Variants in KBTBD11 observed in about 807,000 individuals in gnomAD.
KBTBD11 encodes kelch repeat and BTB domain-containing protein 11.
For missense variants in KBTBD11, 1,390 were observed against 1,001.8 expected (o/e 1.39, Z -5.23); for synonymous variants, 747 against 499.0 (o/e 1.50, Z -6.63).
At chr8:1,995,004 A>G (rs922393503) in intron 1 of KBTBD11, among the ~76,000 whole-genome samples, 1 of 146,766 alleles carries the variant, frequency 6.8e-6, no homozygotes, top group Non-Finnish European at 1.5e-5. Context: ...GGTTGCAGTG[A>G]GCCGAGATGG....
intron 1 of KBTBD11, among the ~76,000 whole-genome samples, chr8:1,978,102 C>A (rs1285109134): frequency 2.0e-5 from 3 of 152,166 alleles, no homozygotes; most frequent in African/African-American, 7.2e-5. Flanking sequence ...AACCCATCAC[C>A]TAGGTATTAA....
rs886125728 is a variant in KBTBD11 at position 2,004,403 on chromosome 8, C to G, written c.*1339C>G. 1.1e-4 allele frequency: 18 copies of G among 166,868 alleles called. No homozygotes were observed. The highest frequency in any genetic ancestry group is 1.5e-5 in the Non-Finnish European group (1 of 68,118). 10.3% of individuals were successfully genotyped at this position (166,868 alleles called of 1,614,324 possible). A position where few individuals can be genotyped will look rare whatever the true frequency, so the allele number is the denominator to read the frequency against. On this transcript the variant is annotated 3_prime_UTR_variant, in exon 2 of 2. Coordinates refer to ENST00000320248, the MANE Select transcript of KBTBD11 (RefSeq NM_014867.3). ...AGAGGCGAACATTTGAACTCCGAAT[C>G]CAACCCATTTTCTTACTGTAAGAGG...
At chr8:1,986,532 A>T (rs1360858825) in intron 1 of KBTBD11, among the ~76,000 whole-genome samples, 1 of 152,196 alleles carries the variant, frequency 6.6e-6, no homozygotes, top group African/African-American at 2.4e-5. Flanking sequence ...CAGAACTTTA[A>T]AAAGGACAAA....
In KBTBD11 at chr8:2,001,711, G is replaced by A. The variant is rs1817368516; in HGVS notation, c.519G>A (p.Val173=). 2.8e-6 allele frequency: 4 copies of A among 1,425,642 alleles called. No homozygotes were observed. The African/African-American group carries it at 4.5e-5, about 16-fold the overall frequency. The allele number at this position is 1,425,642 out of a possible 1,614,324, so 88.3% of individuals were successfully genotyped here. ...TCCGCGCGCGCGCGTCGCGGGACGT[G>A]CTGCGGGTGCAGGGAGTGAGCCTGA... ...DYFRARASRD[V]LRVQGVSLTA... Residue 173 remains valine, a synonymous_variant, in exon 2 of 2, where the codon GTG becomes GTA. Coordinates refer to ENST00000320248, the MANE Select transcript of KBTBD11 (RefSeq NM_014867.3).
At position 2,002,849 on chromosome 8, in the gene KBTBD11, T is replaced by C; in HGVS notation, c.1657T>C (p.Phe553Leu). ...CGGCGGCCCCACGGGCCTGCAGCCC[T>C]TCCGCTGCGCCGCCCTGGACGGCGC... ...LPGGPTGLQP[F>L]RCAALDGAIY... is the part of the protein sequence containing the mutation. Residue 553 changes from phenylalanine to leucine, a missense_variant, in exon 2 of 2, where the codon TTC becomes CTC. Phe to Leu is a conservative substitution (Grantham distance 22). Coordinates refer to ENST00000320248, the MANE Select transcript of KBTBD11 (RefSeq NM_014867.3). The surrounding 1 kb of genome is among the most constrained non-coding windows in gnomAD (Gnocchi z 4.1). The C allele has an allele frequency of 2.1e-6, 3 of 1,401,020 alleles. No individual in the cohort carries two copies. Among genetic ancestry groups the C allele is most frequent in the Admixed American group, 3.5e-5 (1 of 28,876 alleles). 86.8% of individuals were successfully genotyped at this position (1,401,020 alleles called of 1,614,324 possible).
Position 1,974,197 on chromosome 8 carries a change from G to C in KBTBD11, c.-909+262G>C, listed in dbSNP as rs1412474629. The C allele has an allele frequency of 3.9e-6, 3 of 761,208 alleles. No individual in the cohort carries two copies. The African/African-American group carries it at 5.8e-5, about 15-fold the overall frequency. 47.2% of individuals were successfully genotyped at this position (761,208 alleles called of 1,614,324 possible). On this transcript the variant is annotated intron_variant, in intron 1 of 1. Transcript: ENST00000320248. ...GCCCGCGGCGGGGTGGGCGGCGGTG[G>C]GTGGTCTCCGCTCCGCCTCCGGGAG...
chr8:1,997,909 A>G (rs1167326184), intron 1 of KBTBD11, among the ~76,000 whole-genome samples: 2 of 152,344 alleles, frequency 1.3e-5, no homozygotes, highest in East Asian at 3.9e-4. Flanking sequence ...CTCTGCTGGA[A>G]GGGGCTCCTC....
intron 1 of KBTBD11, among the ~76,000 whole-genome samples, chr8:1,982,447 G>C (rs1477377537): frequency 6.6e-6 from 1 of 152,046 alleles, no homozygotes; most frequent in Admixed American, 6.6e-5. Context: ...CTCCAATCAA[G>C]AGACATAGAG....
chr8:1,983,106 C>T lies in KBTBD11; in HGVS notation c.-909+9171C>T, dbSNP rs73184738. On this transcript the variant is annotated intron_variant, in intron 1 of 1. Transcript: ENST00000320248. ...TGCCACATGTTGGGTGTGTGTGCCC[C>T]GAGGCAGCAGTGACCTGCTAGAGGC... 9.4e-3 allele frequency among the ~76,000 whole-genome samples: 1,429 copies of T among 152,208 alleles called. 25 individuals carry two copies. Among genetic ancestry groups the T allele is most frequent in the East Asian group, 0.045 (233 of 5,176 alleles).
At chr8:1,982,544 G>C (rs1816573124) in intron 1 of KBTBD11, among the ~76,000 whole-genome samples, 1 of 152,174 alleles carries the variant, frequency 6.6e-6, no homozygotes, top group Non-Finnish European at 1.5e-5. Flanking sequence ...CACAGGTTGA[G>C]AGTGAAGGGA....
chr8:1,987,519 C>G (rs1215731890), intron 1 of KBTBD11, among the ~76,000 whole-genome samples: 2 of 152,158 alleles, frequency 1.3e-5, no homozygotes, highest in Non-Finnish European at 2.9e-5. Flanking sequence ...TGACCGGGCC[C>G]TTGTGCTGCC....
At chr8:1,974,424 C>T in intron 1 of KBTBD11, 2 of 984,300 alleles carry the variant, frequency 2.0e-6, no homozygotes, top group Non-Finnish European at 2.4e-6. Context: ...GGGGGCTCCT[C>T]CCGGGGTTGC....
intron 1 of KBTBD11, among the ~76,000 whole-genome samples, chr8:1,978,202 T>C (rs912231843): frequency 3.9e-5 from 6 of 152,228 alleles, no homozygotes; most frequent in African/African-American, 1.4e-4. Context: ...CCTGAGTCCA[T>C]GTGTTCTCAT....
chr8:2,000,962 GAC>G lies in KBTBD11; in HGVS notation c.-226_-225del, dbSNP rs1195262829. 4.4e-6 allele frequency: 2 copies of G among 451,184 alleles called. No individual in the cohort carries two copies. The highest frequency in any genetic ancestry group is 4.4e-5 in the Admixed American group (1 of 22,636). 27.9% of individuals were successfully genotyped at this position (451,184 alleles called of 1,614,324 possible). On this transcript the variant is annotated 5_prime_UTR_variant, in exon 2 of 2. It introduces an in-frame stop codon into an upstream open reading frame of the 5' UTR. Coordinates refer to ENST00000320248, the MANE Select transcript of KBTBD11 (RefSeq NM_014867.3). ...TGGGGTTCAGAAGTTCAGCAAGTCG[GAC>G]ACACCCCTCCTCGCTGGAGAGGAGA... is the stretch of plus-strand genomic sequence containing the variant.
chr8:1,999,797 G>A (rs1238235771), intron 1 of KBTBD11, among the ~76,000 whole-genome samples: 2 of 152,196 alleles, frequency 1.3e-5, no homozygotes, highest in East Asian at 3.8e-4. Flanking sequence ...GGTTGTAACC[G>A]AATGTGAAAT....
intron 1 of KBTBD11, among the ~76,000 whole-genome samples, chr8:1,990,203 G>A (rs894324323): frequency 6.6e-6 from 1 of 151,734 alleles, no homozygotes; most frequent in Non-Finnish European, 1.5e-5. Flanking sequence ...GGGCCTTGGC[G>A]CCCTGTCCAG....
At chr8:1,984,643 G>C (rs1816652790) in intron 1 of KBTBD11, among the ~76,000 whole-genome samples, 1 of 148,180 alleles carries the variant, frequency 6.7e-6, no homozygotes, top group African/African-American at 2.6e-5. Context: ...ACAGCTAGGT[G>C]AGTGGCCCCC....
chr8:1,982,976 T>G (rs949715696), intron 1 of KBTBD11, among the ~76,000 whole-genome samples: 1 of 152,218 alleles, frequency 6.6e-6, no homozygotes, highest in East Asian at 1.9e-4. Flanking sequence ...TCTACTCACC[T>G]TGGCCTCTCA....
At chr8:1,995,564 G>A (rs568686907) in intron 1 of KBTBD11, among the ~76,000 whole-genome samples, 75 of 152,226 alleles carry the variant, frequency 4.9e-4, no homozygotes, top group Non-Finnish European at 7.2e-4. Context: ...CCAGTTCCAC[G>A]GGGCATCAGT....
Sources: gnomAD v4.1 joint callset for allele counts (sites outside exome capture counted in the v4.1 genomes callset) on GRCh38, gnomAD v4.1.1 for gene constraint, Gnocchi (gnomAD v3.1) non-coding constraint, MANE v1.5 for transcripts, NCBI Gene and HGNC (gene_info 2026-07-23, HGNC 2026-07-21) for gene names.